Variants in TNFRSF21 observed in about 807,000 individuals in gnomAD.
TNFRSF21 encodes the protein tumor necrosis factor receptor superfamily member 21.
TNFRSF21 carries 19 observed loss-of-function variants against 45.6 expected under a neutral mutation model. The observed-to-expected ratio is 0.42, with a 90% CI of 0.29 to 0.61. TNFRSF21 has a LOEUF of 0.61. Among genes scored for constraint, TNFRSF21 ranks in the 20% least tolerant of loss-of-function variants. TNFRSF21 has a pLI of 0.23. For missense variants in TNFRSF21, 737 were observed against 851.5 expected, an observed-to-expected ratio of 0.87 and a Z score of 1.67; for synonymous variants, 314 against 335.5, an observed-to-expected ratio of 0.94 and a Z score of 0.70.
chr6:47,275,140 C>A (rs1430528249), intron 3 of TNFRSF21, among the ~76,000 whole-genome samples: 1 of 152,150 alleles, frequency 6.6e-6, no homozygotes, highest in Non-Finnish European at 1.5e-5. Context: ...TTTGACCCAG[C>A]AATCCCATTA....
At chr6:47,240,599 C>T (rs1764730219) in intron 4 of TNFRSF21, among the ~76,000 whole-genome samples, 2 of 152,250 alleles carry the variant, frequency 1.3e-5, no homozygotes, top group Admixed American at 6.5e-5. Context: ...CTGTCTGGAC[C>T]CCACAGCATT....
chr6:47,295,016 A>C (rs1361585911), intron 1 of TNFRSF21, among the ~76,000 whole-genome samples: 1 of 152,242 alleles, frequency 6.6e-6, no homozygotes, highest in African/African-American at 2.4e-5. Flanking sequence ...AAATATCCCA[A>C]ACTGTACAGG....
chr6:47,292,715 T>C (rs960197243), intron 1 of TNFRSF21, among the ~76,000 whole-genome samples: 1 of 152,244 alleles, frequency 6.6e-6, no homozygotes, highest in African/African-American at 2.4e-5. Flanking sequence ...TTAGGAACTA[T>C]AAAGTAAAAC....
At position 47,309,626 on chromosome 6, in the gene TNFRSF21, C is replaced by T. The variant is rs1762989557; in HGVS notation, c.-115G>A. On this transcript the variant is annotated 5_prime_UTR_variant, in exon 1 of 6. Transcript: ENST00000296861. ...CCTCCCGGGCCGGGAGCCCATCTAC[C>T]TCCAACACCCCATGTGCACTGCTGC... 3 of 1,340,242 alleles carry T rather than the reference C, an allele frequency of 2.2e-6. No individual in the cohort carries two copies. Among genetic ancestry groups the T allele is most frequent in the East Asian group, 6.2e-5 (2 of 32,190 alleles). 83.0% of individuals were successfully genotyped at this position (1,340,242 alleles called of 1,614,324 possible).
intron 3 of TNFRSF21, among the ~76,000 whole-genome samples, chr6:47,253,990 T>C (rs1582324304): frequency 6.6e-6 from 1 of 152,302 alleles, no homozygotes; most frequent in East Asian, 1.9e-4. Context: ...TTCCTTCTTC[T>C]TGTAGATCTT....
At chr6:47,245,456 G>GTT (rs1455479252) in intron 4 of TNFRSF21, among the ~76,000 whole-genome samples, 1 of 122,838 alleles carries the variant, frequency 8.1e-6, no homozygotes, top group Non-Finnish European at 1.7e-5. Context: ...GTGTGTGTGT[G>GTT]TTTGTGTGTG....
At chr6:47,295,868 T>C (rs1299509849) in intron 1 of TNFRSF21, among the ~76,000 whole-genome samples, 3 of 151,574 alleles carry the variant, frequency 2.0e-5, no homozygotes, top group Admixed American at 2.0e-4. Flanking sequence ...CTGGTGAATA[T>C]AGAGGATGCC....
At position 47,232,743 on chromosome 6, in the gene TNFRSF21, C is replaced by G; in HGVS notation, c.*22G>C. 1.9e-6 allele frequency: 3 copies of G among 1,602,300 alleles called. No individual in the cohort carries two copies. Among genetic ancestry groups the G allele is most frequent in the Non-Finnish European group, 2.6e-6 (3 of 1,173,262 alleles). Reference sequence around the variant, plus strand: ...CCCTGCCACTAAATTGAGTAATTTCCAGAATGCAGTATCCCTATGTTCTAC... The same window carrying G: ...CCCTGCCACTAAATTGAGTAATTTCGAGAATGCAGTATCCCTATGTTCTAC... On this transcript the variant is annotated 3_prime_UTR_variant, in exon 6 of 6. Transcript: ENST00000296861.
At chr6:47,238,032 G>A (rs944057142) in intron 4 of TNFRSF21, among the ~76,000 whole-genome samples, 1 of 151,998 alleles carries the variant, frequency 6.6e-6, no homozygotes, top group Non-Finnish European at 1.5e-5. Flanking sequence ...CCTGGACGAC[G>A]GAGTGAGACT....
chr6:47,234,637 GT>G, intron 5 of TNFRSF21, 32 bp downstream of exon 5: 1 of 1,546,288 alleles, frequency 6.5e-7, no homozygotes, highest in Non-Finnish European at 8.8e-7. Flanking sequence ...GGGGGTTTAA[GT>G]GCGTGTGTGA....
chr6:47,291,656 G>A (rs1432675377), intron 1 of TNFRSF21, among the ~76,000 whole-genome samples: 1 of 152,206 alleles, frequency 6.6e-6, no homozygotes, highest in Non-Finnish European at 1.5e-5. Flanking sequence ...TAGGCTCCAA[G>A]CCCCCCATCT....
chr6:47,287,343 AAAT>A (rs1394501152), intron 1 of TNFRSF21, among the ~76,000 whole-genome samples: 2 of 150,736 alleles, frequency 1.3e-5, no homozygotes, highest in Admixed American at 1.3e-4. Context: ...AAGAAAAGAA[AAAT>A]TGTATACTAG....
At chr6:47,285,895 A>G (rs11758366) in intron 2 of TNFRSF21, 49 bp downstream of exon 2, 323,263 of 1,581,618 alleles carry the variant, frequency 0.2, 35,207 homozygotes, top group Non-Finnish European at 0.23. Flanking sequence ...TGGTACCTCC[A>G]CTGGGCTCAA....
chr6:47,233,967 G>A (rs965727074), intron 5 of TNFRSF21, among the ~76,000 whole-genome samples: 1 of 152,030 alleles, frequency 6.6e-6, no homozygotes, highest in African/African-American at 2.4e-5. Flanking sequence ...GTGAATTTTA[G>A]GGTATTTTTA....
chr6:47,305,135 A>C (rs1448426680), intron 1 of TNFRSF21, among the ~76,000 whole-genome samples: 2 of 152,192 alleles, frequency 1.3e-5, no homozygotes, highest in Non-Finnish European at 2.9e-5. Flanking sequence ...TACTACATTC[A>C]TCCAGTGATT....
intron 3 of TNFRSF21, among the ~76,000 whole-genome samples, chr6:47,282,211 C>A (rs1396316322): frequency 2.0e-5 from 3 of 151,850 alleles, no homozygotes; most frequent in Non-Finnish European, 4.4e-5. Flanking sequence ...CATGGAGAAA[C>A]CCCATCTCTA....
chr6:47,249,217 C>T (rs908104209), intron 4 of TNFRSF21, among the ~76,000 whole-genome samples: 5 of 152,196 alleles, frequency 3.3e-5, no homozygotes, highest in African/African-American at 9.6e-5. Flanking sequence ...TCCTTGATGG[C>T]ATTGACTTTG....
At chr6:47,262,519 G>A (rs982193267) in intron 3 of TNFRSF21, among the ~76,000 whole-genome samples, 11 of 152,182 alleles carry the variant, frequency 7.2e-5, no homozygotes, top group African/African-American at 2.4e-4. Flanking sequence ...TCCATTGGGG[G>A]GAAGTAATAA....
At chr6:47,256,467 G>A in intron 3 of TNFRSF21, among the ~76,000 whole-genome samples, 1 of 152,328 alleles carries the variant, frequency 6.6e-6, no homozygotes, top group South Asian at 2.1e-4. Flanking sequence ...AGGTTGCAGT[G>A]AGCCAAGATT....
Sources: gnomAD v4.1 joint callset for allele counts (sites outside exome capture counted in the v4.1 genomes callset) on GRCh38, gnomAD v4.1.1 for gene constraint, MANE v1.5 for transcripts, NCBI Gene and HGNC (gene_info 2026-07-23, HGNC 2026-07-21) for gene names.